The following GRM7 variants were observed in gnomAD, a reference collection of about 807,000 sequenced individuals.
GRM7 encodes the protein glutamate metabotropic receptor 7.
GRM7 carries 35 observed loss-of-function variants against 84.5 expected under a neutral mutation model. The observed-to-expected ratio is 0.41, with a 90% CI of 0.32 to 0.55. The LOEUF (loss-of-function observed/expected upper bound fraction) is 0.55. Ranked by LOEUF, GRM7 falls within the 20% of genes least tolerant of loss-of-function variation. GRM7 has a pLI of 0.19. For missense variants in GRM7, 1,003 were observed against 1,194.6 expected, an observed-to-expected ratio of 0.84 and a Z score of 2.36; for synonymous variants, 487 against 455.1, an observed-to-expected ratio of 1.07 and a Z score of -0.89.
intron 9 of GRM7, among the ~76,000 whole-genome samples, chr3:7,691,523 C>T (rs1700799193): frequency 6.6e-6 from 1 of 152,076 alleles, no homozygotes; most frequent in South Asian, 2.1e-4. Flanking sequence ...TGGAAATAAG[C>T]TAATCTTGAT....
intron 4 of GRM7, among the ~76,000 whole-genome samples, chr3:7,320,850 C>T (rs2125052862): frequency 6.6e-6 from 1 of 152,072 alleles, no homozygotes; most frequent in Middle Eastern, 3.4e-3. Context: ...ATTGATACAT[C>T]ATAAACATTT....
At chr3:7,662,483 T>C (rs771270763) in intron 8 of GRM7, among the ~76,000 whole-genome samples, 4 of 152,280 alleles carry the variant, frequency 2.6e-5, no homozygotes, top group East Asian at 1.9e-4. Context: ...TGAACCTTGA[T>C]TGTATTTTGG....
At chr3:7,057,430 T>C (rs1697268317) in intron 1 of GRM7, among the ~76,000 whole-genome samples, 1 of 151,946 alleles carries the variant, frequency 6.6e-6, no homozygotes, top group Non-Finnish European at 1.5e-5. Flanking sequence ...TCAATTTTCA[T>C]CTTCTTATGT....
rs1696638634 is a variant in GRM7, at chr3:7,427,057, T to A, written c.1174+11894T>A. Among the ~76,000 whole-genome samples the A allele has an allele frequency of 2.0e-5, 3 of 152,310 alleles. No individual in the cohort carries two copies. The South Asian group carries it at 6.2e-4, about 32-fold the overall frequency. On this transcript the variant is annotated intron_variant, in intron 5 of 9. Coordinates refer to ENST00000357716, the MANE Select transcript of GRM7 (RefSeq NM_000844.4). ...CAAATGGATTGAATCAGAGACTTTG[T>A]AGGATCTTTTGGGCTGCATGTGATA...
At chr3:7,244,529 C>G (rs1329532297) in intron 2 of GRM7, among the ~76,000 whole-genome samples, 2 of 152,014 alleles carry the variant, frequency 1.3e-5, no homozygotes, top group Non-Finnish European at 2.9e-5. Flanking sequence ...GCTTAGAGCT[C>G]AAATCCCACC....
chr3:7,594,479 A>G (rs1307472425), intron 8 of GRM7, among the ~76,000 whole-genome samples: 2 of 152,134 alleles, frequency 1.3e-5, no homozygotes, highest in Non-Finnish European at 2.9e-5. Context: ...TTGGTTAACC[A>G]TGTGCCCAGG....
At chr3:7,046,319 G>A (rs1406099126) in intron 1 of GRM7, among the ~76,000 whole-genome samples, 1 of 152,032 alleles carries the variant, frequency 6.6e-6, no homozygotes, top group East Asian at 1.9e-4. Flanking sequence ...GTGAGTAGTT[G>A]GCAAGGTTAA....
intron 1 of GRM7, among the ~76,000 whole-genome samples, chr3:6,933,479 G>A (rs147203992): frequency 0.016 from 2,461 of 152,246 alleles, 34 homozygotes; most frequent in Non-Finnish European, 0.023. Context: ...GACATCTAAT[G>A]AATTTTAAAG....
intron 2 of GRM7, among the ~76,000 whole-genome samples, chr3:7,263,659 T>C (rs1186749522): frequency 1.3e-5 from 2 of 151,966 alleles, no homozygotes; most frequent in Non-Finnish European, 2.9e-5. Context: ...TTCATGTGGG[T>C]GGTAGTGGCT....
At chr3:6,892,690 T>A (rs1351240850) in intron 1 of GRM7, 1 of 152,160 alleles carries the variant, frequency 6.6e-6, no homozygotes, top group Non-Finnish European at 1.5e-5. Flanking sequence ...CATGCTAAAC[T>A]TCACCTCTCT....
rs557745258 is a variant in GRM7, at chr3:7,201,008, C to T, written c.736+54340C>T. Among the ~76,000 whole-genome samples the T allele has an allele frequency of 1.1e-4, 14 of 122,192 alleles. No individual in the cohort carries two copies. In the East Asian group the frequency reaches 1.6e-3, roughly 14 times the overall value. The allele number at this position is 122,192 out of a possible 152,430, so 80.2% of individuals were successfully genotyped here. ...TTTTTGAGACACAGTCTCACTCTGT[C>T]GCCCAGGCTGGAGTGCAGTGGCACG... On this transcript the variant is annotated intron_variant, in intron 2 of 9. Transcript: ENST00000357716.
At chr3:6,911,177 C>CT (rs912362385) in intron 1 of GRM7, among the ~76,000 whole-genome samples, 19 of 151,814 alleles carry the variant, frequency 1.3e-4, no homozygotes, top group African/African-American at 2.4e-4. Context: ...TAATCTGGCA[C>CT]TTTTTTTTGC....
chr3:6,974,319 T>A (rs979905860), intron 1 of GRM7, among the ~76,000 whole-genome samples: 1 of 152,132 alleles, frequency 6.6e-6, no homozygotes, highest in Non-Finnish European at 1.5e-5. Context: ...ATCATCCTAG[T>A]GGAGATGTTG....
chr3:7,156,915 A>G (rs9814881), intron 2 of GRM7, among the ~76,000 whole-genome samples: 29,241 of 151,966 alleles, frequency 0.19, 2,900 homozygotes, highest in Middle Eastern at 0.31. Context: ...CCTCTCCCCT[A>G]AAAGTGCAAG....
intron 8 of GRM7, among the ~76,000 whole-genome samples, chr3:7,643,660 A>G (rs928187401): frequency 2.6e-5 from 4 of 152,122 alleles, no homozygotes; most frequent in African/African-American, 9.7e-5. Context: ...CACCTACAAT[A>G]CAGGATTGTG....
rs566539026 is a variant in GRM7, at chr3:6,862,756, C to G, written c.519+849C>G. ...CCCCCCTCACCCACTATCTCCCTGA[C>G]GCAGACCCCAAGCCAAATCCTCGGC... is the stretch of plus-strand genomic sequence containing the variant. On this transcript the variant is annotated intron_variant, in intron 1 of 9. Transcript: ENST00000357716. The surrounding 1 kb of genome is among the most constrained non-coding windows in gnomAD (Gnocchi z 5.2). The G allele has an allele frequency of 1.6e-5, 5 of 311,116 alleles. No individual in the cohort carries two copies. The East Asian group carries it at 3.3e-4, about 21-fold the overall frequency. The allele number at this position is 311,116 out of a possible 1,614,324, so 19.3% of individuals were successfully genotyped here.
chr3:6,997,367 T>G (rs983772396), intron 1 of GRM7, among the ~76,000 whole-genome samples: 7 of 152,330 alleles, frequency 4.6e-5, no homozygotes, highest in Non-Finnish European at 1.0e-4. Flanking sequence ...GAGGTCTATT[T>G]GACTCACAGT....
rs1694748172 is a variant in GRM7, at chr3:7,572,826, ATATATAT to A, written c.1516-5595_1516-5589del. On this transcript the variant is annotated intron_variant, in intron 7 of 9. Coordinates refer to ENST00000357716, the MANE Select transcript of GRM7 (RefSeq NM_000844.4). ...GACAGAGTGAGACTCTATCTCAAAT[ATATATAT>A]ATATATATATATATATATATATATA... Among the ~76,000 whole-genome samples the A allele has an allele frequency of 4.6e-4, 29 of 62,522 alleles. 3 individuals are homozygous for A. Among genetic ancestry groups the A allele is most frequent in the African/African-American group, 1.9e-3 (27 of 13,946 alleles). 41.0% of individuals were successfully genotyped at this position (62,522 alleles called of 152,430 possible). A position where few individuals can be genotyped will look rare whatever the true frequency, so the allele number is the denominator to read the frequency against.
intron 2 of GRM7, among the ~76,000 whole-genome samples, chr3:7,160,316 G>A (rs1462960817): frequency 6.6e-6 from 1 of 152,150 alleles, no homozygotes; most frequent in Non-Finnish European, 1.5e-5. Context: ...AAAGTGCCAA[G>A]AAATACCAAG....
Sources: allele counts gnomAD v4.1 joint callset (sites outside exome capture counted in the v4.1 genomes callset), GRCh38; gene constraint gnomAD v4.1.1; non-coding constraint Gnocchi (gnomAD v3.1); transcripts MANE v1.5; gene names NCBI Gene and HGNC (gene_info 2026-07-23, HGNC 2026-07-21).